The following SLC15A1 variants were observed in gnomAD, a reference collection of about 807,000 sequenced individuals.
The protein encoded by SLC15A1 is Caco-2 oligopeptide transporter.
A neutral mutation model predicts 92.9 loss-of-function variants in SLC15A1; 83 were observed. The observed-to-expected ratio is 0.89, with a 90% CI of 0.75 to 1.07. The LOEUF (loss-of-function observed/expected upper bound fraction) is 1.07. Ranked by LOEUF, SLC15A1 falls within the 50% of genes least tolerant of loss-of-function variation. SLC15A1 has a pLI of 0.00. For missense variants in SLC15A1, 857 were observed against 880.1 expected, an observed-to-expected ratio of 0.97 and a Z score of 0.33; for synonymous variants, 322 against 318.2, an observed-to-expected ratio of 1.01 and a Z score of -0.13.
Position 98,688,339 on chromosome 13 carries a change from C to T in SLC15A1, c.1592G>A (p.Ser531Asn), listed in dbSNP as rs1298081025. The T allele has an allele frequency of 1.2e-6, 2 of 1,613,722 alleles. No individual in the cohort carries two copies. The highest frequency in any genetic ancestry group is 1.1e-5 in the South Asian group (1 of 91,004). ...ACATTGTGGCGGAATCTCTGTTGAG[C>T]TTATTGTGAAGCCTTTTCTATCAAA... Reference protein sequence around the residue: ...FPSGIKGFTISSTEIPPQCQP... With the variant: ...FPSGIKGFTINSTEIPPQCQP... Residue 531 changes from serine to asparagine, a missense_variant, in exon 20 of 23, where the codon AGC becomes AAC. Coordinates refer to ENST00000376503, the MANE Select transcript of SLC15A1 (RefSeq NM_005073.4).
intron 1 of SLC15A1, among the ~76,000 whole-genome samples, chr13:98,727,091 T>C (rs1269435740): frequency 6.6e-6 from 1 of 152,166 alleles, no homozygotes; most frequent in Non-Finnish European, 1.5e-5. Flanking sequence ...GCAGTCAAAA[T>C]TGAGAAGCAG....
In SLC15A1 at chr13:98,687,734, T is replaced by C. The variant is rs1330569284; in HGVS notation, c.1684-10A>G. 1 of 1,611,026 alleles carries C rather than the reference T, an allele frequency of 6.2e-7. No homozygotes were observed. The highest frequency in any genetic ancestry group is 8.5e-7 in the Non-Finnish European group (1 of 1,179,156). On this transcript the variant is annotated splice_polypyrimidine_tract_variant and intron_variant, in intron 20 of 22. Transcript: ENST00000376503. ...CAGGGCAGCTGTCATTCTGCAGCAGTAAGGCAAAAGCAGAAGAAGTTGAGA... is the reference window on the plus strand; with the variant it reads ...CAGGGCAGCTGTCATTCTGCAGCAGCAAGGCAAAAGCAGAAGAAGTTGAGA...
At chr13:98,686,134 G>T (rs2087926936) in intron 22 of SLC15A1, 56 bp downstream of exon 22, 2 of 1,311,884 alleles carry the variant, frequency 1.5e-6, no homozygotes, top group East Asian at 2.4e-5. Context: ...AGGCCACCAT[G>T]ATGACCATGA....
At chr13:98,723,870 A>G (rs2088278100) in intron 5 of SLC15A1, 42 bp downstream of exon 5, 1 of 1,611,400 alleles carries the variant, frequency 6.2e-7, no homozygotes, top group South Asian at 1.1e-5. Context: ...AAATGCGCAC[A>G]AGGTGGGAGG....
chr13:98,707,891 T>TTTTAAAAAAAA (rs1315915894), intron 15 of SLC15A1, among the ~76,000 whole-genome samples: 7 of 106,852 alleles, frequency 6.6e-5, no homozygotes, highest in African/African-American at 2.8e-4. Flanking sequence ...AGACCCTGTT[T>TTTTAAAAAAAA]AAAAAAAAAA....
chr13:98,740,194 G>C (rs577852629), intron 1 of SLC15A1, among the ~76,000 whole-genome samples: 2 of 152,326 alleles, frequency 1.3e-5, no homozygotes, highest in East Asian at 3.9e-4. Flanking sequence ...TAGGGAGAGT[G>C]AAGGTCCTGT....
chr13:98,746,297 G>A lies in SLC15A1; in HGVS notation c.4+6298C>T, dbSNP rs116609704. ...TGACAGGTATCTAGGTTGCTTCTAT[G>A]TCTTTGCTATTGTGAATAGTGCTTC... On this transcript the variant is annotated intron_variant, in intron 1 of 22. Transcript: ENST00000376503. Among the ~76,000 whole-genome samples the A allele has an allele frequency of 6.8e-3, 1,033 of 152,172 alleles. 14 individuals carry two copies. Among genetic ancestry groups the A allele is most frequent in the African/African-American group, 0.024 (999 of 41,496 alleles).
In SLC15A1 at chr13:98,706,079, C is replaced by T. The variant is rs1172095380; in HGVS notation, c.1269+55G>A. ...CCAAGAAAAACAGCTTCTCTAAATC[C>T]TATTATAACAGGGTCAGAAGATGAA... is the stretch of plus-strand genomic sequence containing the variant. On this transcript the variant is annotated intron_variant, in intron 16 of 22. Coordinates refer to ENST00000376503, the MANE Select transcript of SLC15A1 (RefSeq NM_005073.4). 4 of 1,570,062 alleles carry T rather than the reference C, an allele frequency of 2.5e-6. No individual in the cohort carries two copies. The African/African-American group carries it at 4.1e-5, about 16-fold the overall frequency.
chr13:98,747,727 A>G (rs902164748), intron 1 of SLC15A1, among the ~76,000 whole-genome samples: 4 of 152,106 alleles, frequency 2.6e-5, no homozygotes, highest in South Asian at 2.1e-4. Context: ...CTAAAAATAC[A>G]AAAGTTAGCC....
chr13:98,724,042 A>G lies in SLC15A1; in HGVS notation c.246-11T>C, dbSNP rs757058945. 14 of 1,613,778 alleles carry G rather than the reference A, an allele frequency of 8.7e-6. No individual in the cohort carries two copies. The East Asian group carries it at 8.9e-5, about 10-fold the overall frequency. On this transcript the variant is annotated splice_polypyrimidine_tract_variant and intron_variant, in intron 4 of 22. Coordinates refer to ENST00000376503, the MANE Select transcript of SLC15A1 (RefSeq NM_005073.4). ...AGCGACACAATGGTCCTGTGTTTCC[A>G]AAGATTAAGAGAATCCGAGTTAATT...
intron 1 of SLC15A1, among the ~76,000 whole-genome samples, chr13:98,744,183 G>T (rs2088473158): frequency 1.4e-5 from 2 of 145,644 alleles, no homozygotes; most frequent in African/African-American, 5.2e-5. Context: ...CAAGGCTGCA[G>T]TGACCTGTGA....
intron 18 of SLC15A1, among the ~76,000 whole-genome samples, chr13:98,695,575 T>A (rs2088015311): frequency 6.6e-6 from 1 of 152,114 alleles, no homozygotes; most frequent in African/African-American, 2.4e-5. Flanking sequence ...TATTTTTTAG[T>A]AGAGATGGGG....
chr13:98,706,835 T>C (rs2088116859), intron 15 of SLC15A1, among the ~76,000 whole-genome samples: 1 of 152,182 alleles, frequency 6.6e-6, no homozygotes, highest in Non-Finnish European at 1.5e-5. Context: ...AAGATGCTGC[T>C]CTTATCTTAT....
chr13:98,715,072 T>C (rs2088202692), intron 9 of SLC15A1, among the ~76,000 whole-genome samples: 1 of 152,234 alleles, frequency 6.6e-6, no homozygotes, highest in Non-Finnish European at 1.5e-5. Context: ...CAGCACTGTC[T>C]TCCTATTTGC....
At chr13:98,709,437 A>G (rs2088142865) in intron 14 of SLC15A1, 135 bp downstream of exon 14, 1 of 677,224 alleles carries the variant, frequency 1.5e-6, no homozygotes. Flanking sequence ...CAGCACACGA[A>G]CATTTGTTTT....
intron 8 of SLC15A1, among the ~76,000 whole-genome samples, chr13:98,718,142 T>G (rs898690781): frequency 6.6e-6 from 1 of 152,080 alleles, no homozygotes; most frequent in African/African-American, 2.4e-5. Context: ...GGCACCAACC[T>G]AATCAATTAT....
At position 98,699,768 on chromosome 13, in the gene SLC15A1, C is replaced by T. The variant is rs935451382; in HGVS notation, c.1466+2712G>A. On this transcript the variant is annotated intron_variant, in intron 18 of 22. Coordinates refer to ENST00000376503, the MANE Select transcript of SLC15A1 (RefSeq NM_005073.4). ...AGTTCCAGGTGCCCCATATCCTCAC[C>T]AACACTTGGTATTGTCAAGGTTAAA... is the stretch of plus-strand genomic sequence containing the variant. Among the ~76,000 whole-genome samples the T allele has an allele frequency of 5.6e-4, 85 of 152,192 alleles. 1 individual carries two copies. Among genetic ancestry groups the T allele is most frequent in the African/African-American group, 1.8e-3 (75 of 41,450 alleles).
intron 21 of SLC15A1, among the ~76,000 whole-genome samples, chr13:98,687,158 T>C (rs569643075): frequency 1.1e-4 from 16 of 152,208 alleles, no homozygotes; most frequent in Admixed American, 1.0e-3. Context: ...TAGACCTTAT[T>C]TGTTATGTTT....
intron 1 of SLC15A1, among the ~76,000 whole-genome samples, chr13:98,741,101 G>A (rs1329930807): frequency 6.6e-6 from 1 of 152,284 alleles, no homozygotes; most frequent in African/African-American, 2.4e-5. Context: ...GATTAGAAAA[G>A]TGTGGGCTTC....
Sources: allele counts gnomAD v4.1 joint callset (sites outside exome capture counted in the v4.1 genomes callset), GRCh38; gene constraint gnomAD v4.1.1; transcripts MANE v1.5; gene names NCBI Gene and HGNC (gene_info 2026-07-23, HGNC 2026-07-21).